Variants in EPHA10 observed in about 807,000 individuals in gnomAD.
The protein encoded by EPHA10 is EPH receptor A10.
EPHA10 carries 120 observed loss-of-function variants against 109.7 expected under a neutral mutation model. The ratio of observed to expected loss-of-function variants is 1.09; its 90% confidence interval spans 0.94 to 1.27. The LOEUF (loss-of-function observed/expected upper bound fraction) is 1.27, where lower values mean the gene tolerates loss of function less well. Ranked by LOEUF, EPHA10 falls within the 50% of genes most tolerant of loss-of-function variation. The pLI is 0.00. For synonymous variants in EPHA10, 640 were observed against 618.9 expected, an observed-to-expected ratio of 1.03 and a Z score of -0.51; for missense variants, 1,396 against 1,411.1, an observed-to-expected ratio of 0.99 and a Z score of 0.17.
Position 37,727,210 on chromosome 1 carries a change from G to A in EPHA10, c.1664C>T (p.Ala555Val), listed in dbSNP as rs768276239. 1.9e-6 allele frequency: 3 copies of A among 1,596,932 alleles called. No individual in the cohort carries two copies. Among genetic ancestry groups the A allele is most frequent in the South Asian group, 1.1e-5 (1 of 88,930 alleles). ...GCTCTGGTCCCTGGACCCTGAGGCAGCTGGGAGGAAAATCACGAGGTTGAG... is the reference window on the plus strand; with the variant it reads ...GCTCTGGTCCCTGGACCCTGAGGCAACTGGGAGGAAAATCACGAGGTTGAG... The part of the protein sequence containing the change: ...PSIEVQTLGE[A>V]ASGSRDQSPA... The change falls in exon 8 of 17, where the codon GCT (alanine) becomes GTT (valine). Residue 555 changes from alanine (A) to valine (V), a missense_variant and splice_region_variant. By Grantham distance (64) the Ala-to-Val change is moderately conservative. Transcript: ENST00000373048.
intron 5 of EPHA10, among the ~76,000 whole-genome samples, chr1:37,748,746 TG>T (rs1646277113): frequency 6.6e-6 from 1 of 152,088 alleles, no homozygotes; most frequent in Admixed American, 6.5e-5. Context: ...GGAAAAAATT[TG>T]GTCATATTGA....
chr1:37,731,840 T>G (rs1183274812), intron 6 of EPHA10, among the ~76,000 whole-genome samples: 1 of 152,178 alleles, frequency 6.6e-6, no homozygotes, highest in Admixed American at 6.5e-5. Flanking sequence ...ATAAGAGAAA[T>G]TTTAGAGAAG....
intron 7 of EPHA10, among the ~76,000 whole-genome samples, 155 bp from the exon 8 acceptor site, chr1:37,727,365 T>C (rs1001793460): frequency 6.6e-6 from 1 of 152,222 alleles, no homozygotes; most frequent in African/African-American, 2.4e-5. Flanking sequence ...GCAGTCCCAC[T>C]GACCACAGTG....
chr1:37,763,569 C>A (rs1032836827), intron 1 of EPHA10, among the ~76,000 whole-genome samples: 15 of 151,990 alleles, frequency 9.9e-5, no homozygotes, highest in Admixed American at 3.3e-4. Flanking sequence ...GGGTCCATGG[C>A]AAATACTCTA....
chr1:37,754,202 A>G lies in EPHA10; in HGVS notation c.1006+13T>C. On this transcript the variant is annotated intron_variant, in intron 4 of 16. Coordinates refer to ENST00000373048, the MANE Select transcript of EPHA10 (RefSeq NM_001099439.2). This position sits in a 1 kb window ranked among gnomAD's most constrained non-coding sequence, Gnocchi z 4.5. ...CCCCACCCTCCGCAGTGCAGCCTGGAGGGGGGACTCACGGGTGCAGGAAGC... is the reference window on the plus strand; with the variant it reads ...CCCCACCCTCCGCAGTGCAGCCTGGGGGGGGGACTCACGGGTGCAGGAAGC... 3.1e-6 allele frequency: 4 copies of G among 1,282,670 alleles called. No homozygotes were observed. Among genetic ancestry groups the G allele is most frequent in the Non-Finnish European group, 4.0e-6 (4 of 1,007,706 alleles). The allele number at this position is 1,282,670 out of a possible 1,614,324, so 79.5% of individuals were successfully genotyped here. A position where few individuals can be genotyped will look rare whatever the true frequency, so the allele number is the denominator to read the frequency against.
chr1:37,732,769 C>T (rs1489709190), intron 6 of EPHA10, among the ~76,000 whole-genome samples: 1 of 151,260 alleles, frequency 6.6e-6, no homozygotes, highest in Non-Finnish European at 1.5e-5. Context: ...CTGCCAGACA[C>T]CCGCCCAGGT....
chr1:37,719,626 G>A lies in EPHA10; in HGVS notation c.2563-19C>T, dbSNP rs781509600. On this transcript the variant is annotated intron_variant, in intron 14 of 16. Transcript: ENST00000373048. Reference sequence around the variant, plus strand: ...TGATCACCTGGGCCACAGGGGTGGGGAGCAGAGAGGAGGCTCTGGGTTTCC... The same window carrying A: ...TGATCACCTGGGCCACAGGGGTGGGAAGCAGAGAGGAGGCTCTGGGTTTCC... The A allele has an allele frequency of 3.1e-6, 5 of 1,611,632 alleles. No individual in the cohort carries two copies. The highest frequency in any genetic ancestry group is 2.2e-5 in the East Asian group (1 of 44,836).
intron 6 of EPHA10, among the ~76,000 whole-genome samples, chr1:37,733,185 G>A (rs572239301): frequency 2.6e-5 from 4 of 151,616 alleles, no homozygotes; most frequent in Non-Finnish European, 5.9e-5. Context: ...GCACCACCAC[G>A]CCCGGACTTG....
At chr1:37,750,800 G>A (rs1646309945) in intron 5 of EPHA10, among the ~76,000 whole-genome samples, 1 of 151,756 alleles carries the variant, frequency 6.6e-6, no homozygotes, top group African/African-American at 2.4e-5. Context: ...CTGGCCTCAG[G>A]CTCCCAAAGT....
In EPHA10 at chr1:37,718,455, C is replaced by G; in HGVS notation, c.2944G>C (p.Glu982Gln). ...DLVSLGISLA[E>Q]HREALLSGIS... ...CCGCTGAGGAGGGCCTCTCGATGTTCAGCCAAAGAGATGCCTAGGCTCACC... is the reference window on the plus strand; with the variant it reads ...CCGCTGAGGAGGGCCTCTCGATGTTGAGCCAAAGAGATGCCTAGGCTCACC... Residue 982 changes from glutamate to glutamine, a missense_variant, in exon 17 of 17, where the codon GAA becomes CAA. Transcript: ENST00000373048. 4 of 1,613,464 alleles carry G rather than the reference C, an allele frequency of 2.5e-6. No homozygotes were observed. Among genetic ancestry groups the G allele is most frequent in the Non-Finnish European group, 3.4e-6 (4 of 1,180,008 alleles).
rs922089431 is a variant in EPHA10, at chr1:37,754,858, C to T, written c.851-488G>A. On this transcript the variant is annotated intron_variant, in intron 3 of 16. Transcript: ENST00000373048. This position sits in a 1 kb window ranked among gnomAD's most constrained non-coding sequence, Gnocchi z 4.5. ...TATCACCCAGGCTGGAGTGCAGTGG[C>T]GGGATCTCCACTCACTGCAACCCCC... is the stretch of plus-strand genomic sequence containing the variant. 4.6e-5 allele frequency among the ~76,000 whole-genome samples: 7 copies of T among 151,912 alleles called. No homozygotes were observed. The highest frequency in any genetic ancestry group is 1.5e-4 in the African/African-American group (6 of 41,346).
At chr1:37,753,318 C>T (rs1646359371) in intron 4 of EPHA10, 92 bp from the exon 5 acceptor site, 1 of 874,108 alleles carries the variant, frequency 1.1e-6, no homozygotes, top group Non-Finnish European at 1.5e-6. Context: ...GTCTTGTCCA[C>T]CCCCAGTGAG....
rs769469649 is a variant in EPHA10, at chr1:37,720,044, T to A, written c.2427A>T (p.Pro809=). Residue 809 remains proline, a synonymous_variant, in exon 14 of 17, where the codon CCA becomes CCT. Coordinates refer to ENST00000373048, the MANE Select transcript of EPHA10 (RefSeq NM_001099439.2). ...AVYTTMSGRS[P]ALWAAPETLQ... ...GTGTCTCGGGAGCGGCCCATAGCGC[T>A]GGGCTCCGGCCACTCTGTAGGGGCA... 2 of 1,613,424 alleles carry A rather than the reference T, an allele frequency of 1.2e-6. No individual in the cohort carries two copies. Among genetic ancestry groups the A allele is most frequent in the African/African-American group, 2.7e-5 (2 of 75,002 alleles).
At chr1:37,747,717 G>C (rs1646261954) in intron 5 of EPHA10, among the ~76,000 whole-genome samples, 1 of 151,958 alleles carries the variant, frequency 6.6e-6, no homozygotes, top group Admixed American at 6.6e-5. Context: ...GCAATGAGCT[G>C]AGATGGTGCC....
intron 7 of EPHA10, 82 bp downstream of exon 7, chr1:37,731,329 C>T: frequency 4.3e-6 from 6 of 1,408,018 alleles, no homozygotes; most frequent in Non-Finnish European, 5.7e-6. Flanking sequence ...AGATAACTCT[C>T]CCCCTCTATT....
chr1:37,739,279 T>C lies in EPHA10; in HGVS notation c.1358-3889A>G, dbSNP rs577798024. 7.9e-5 allele frequency among the ~76,000 whole-genome samples: 12 copies of C among 152,316 alleles called. No individual in the cohort carries two copies. The South Asian group carries it at 1.7e-3, about 21-fold the overall frequency. On this transcript the variant is annotated intron_variant, in intron 5 of 16. Transcript: ENST00000373048. ...ATATGAATGAACCTCGAAGACACTA[T>C]GCTAAGTGAAACAATTCGTCACAAA...
At chr1:37,742,473 C>A (rs1646169441) in intron 5 of EPHA10, among the ~76,000 whole-genome samples, 1 of 152,162 alleles carries the variant, frequency 6.6e-6, no homozygotes, top group Non-Finnish European at 1.5e-5. Flanking sequence ...AAGATACCTG[C>A]AAGGAAGAAA....
chr1:37,731,561 A>G lies in EPHA10; in HGVS notation c.1513T>C (p.Ser505Pro). The change falls in exon 7 of 17, where the codon TCC becomes CCC. Residue 505 changes from serine (S) to proline (P), a missense_variant. Physicochemically the swap from Ser to Pro is moderately conservative, Grantham distance 74 (BLOSUM62 -1). Transcript: ENST00000373048. ...GTGGGCGCCCCTGTCTTCACCATGGAGTAAGTCTGCTCACTCTGACCCTGG... is the reference window on the plus strand; with the variant it reads ...GTGGGCGCCCCTGTCTTCACCATGGGGTAAGTCTGCTCACTCTGACCCTGG... ...YEKGQSEQTYSMVKTGAPTVT... is the reference protein window; with the variant it reads ...YEKGQSEQTYPMVKTGAPTVT... The G allele has an allele frequency of 6.2e-7, 1 of 1,613,132 alleles. No homozygotes were observed. The highest frequency in any genetic ancestry group is 8.5e-7 in the Non-Finnish European group (1 of 1,179,522).
rs185925393 is a variant in EPHA10, at chr1:37,719,341, G to A, written c.2756+73C>T. 1.8e-5 allele frequency: 28 copies of A among 1,535,714 alleles called. No homozygotes were observed. In the Middle Eastern group the frequency reaches 5.5e-4, roughly 30 times the overall value. On this transcript the variant is annotated intron_variant, in intron 15 of 16. Transcript: ENST00000373048. Reference sequence around the variant, plus strand: ...ACAGGTGGGGTGGTGGAGGCGGTGGGTTTGCACTTGCAACATGCAGGGAGG... The same window carrying A: ...ACAGGTGGGGTGGTGGAGGCGGTGGATTTGCACTTGCAACATGCAGGGAGG...
Sources: gnomAD v4.1 joint callset for allele counts (sites outside exome capture counted in the v4.1 genomes callset) on GRCh38, gnomAD v4.1.1 for gene constraint, Gnocchi (gnomAD v3.1) non-coding constraint, MANE v1.5 for transcripts, NCBI Gene and HGNC (gene_info 2026-07-23, HGNC 2026-07-21) for gene names.